The following RGS6 variants were observed in gnomAD, a reference collection of about 807,000 sequenced individuals.
RGS6 encodes regulator of G protein signaling 6.
In RGS6, 30 loss-of-function variants were observed where a neutral mutation model predicts 78.5. The observed-to-expected ratio is 0.38, with a 90% CI of 0.29 to 0.52. The LOEUF is 0.52. RGS6 is among the 20% of genes least tolerant of loss of function. RGS6 has a pLI of 0.85. For synonymous variants in RGS6, 206 were observed against 206.0 expected, an observed-to-expected ratio of 1.00 and a Z score of 0.00; for missense variants, 495 against 609.7, an observed-to-expected ratio of 0.81 and a Z score of 1.98.
chr14:72,337,490 C>T (rs1349858096), intron 2 of RGS6, among the ~76,000 whole-genome samples: 2 of 151,812 alleles, frequency 1.3e-5, no homozygotes, highest in African/African-American at 4.9e-5. Context: ...TACAACCTTG[C>T]CCTCTCTCAT....
chr14:72,614,149 A>G, the RGS6 span, among the ~76,000 whole-genome samples: 1 of 152,264 alleles, frequency 6.6e-6, no homozygotes, highest in Non-Finnish European at 1.5e-5. Flanking sequence ...GCAGAGAATC[A>G]TAAGCAGACT....
chr14:72,466,330 C>G (rs928727365), intron 7 of RGS6, among the ~76,000 whole-genome samples: 5 of 152,206 alleles, frequency 3.3e-5, no homozygotes, highest in African/African-American at 4.8e-5. Flanking sequence ...TTGGCAGTTT[C>G]TTATAAAGTT....
At chr14:72,234,144 A>C (rs1214990126) in intron 2 of RGS6, among the ~76,000 whole-genome samples, 2 of 151,980 alleles carry the variant, frequency 1.3e-5, no homozygotes, top group East Asian at 3.9e-4. Flanking sequence ...CTTTGCGTAC[A>C]CTGCCTTTAA....
the RGS6 span, among the ~76,000 whole-genome samples, chr14:71,913,101 A>G: frequency 1.3e-5 from 2 of 152,152 alleles, no homozygotes; most frequent in Non-Finnish European, 2.9e-5. Flanking sequence ...TGCTGGGATT[A>G]CAGGCGTGAG....
At chr14:72,559,772 G>A (rs1412401039) in intron 17 of RGS6, among the ~76,000 whole-genome samples, 4 of 152,210 alleles carry the variant, frequency 2.6e-5, no homozygotes, top group African/African-American at 9.6e-5. Flanking sequence ...GGTCCTTGGA[G>A]TCAGAGCGGT....
chr14:72,594,860 G>T, the RGS6 span: 1 of 152,016 alleles, frequency 6.6e-6, no homozygotes, highest in African/African-American at 2.4e-5. Flanking sequence ...ACCATCACAG[G>T]GTGACTTGTG....
chr14:72,582,043 G>C, the RGS6 span, among the ~76,000 whole-genome samples: 1 of 152,026 alleles, frequency 6.6e-6, no homozygotes, highest in South Asian at 2.1e-4. Context: ...GCTTTATATC[G>C]ACCTACTTTC....
At chr14:72,005,145 A>G (rs2332707) in intron 2 of RGS6, among the ~76,000 whole-genome samples, 98,956 of 151,980 alleles carry the variant, frequency 0.65, 33,085 homozygotes, top group Non-Finnish European at 0.74. Context: ...GTACATACCT[A>G]TGTACTTCTA....
rs145911258 is a variant in RGS6 at position 72,424,707 on chromosome 14, G to A, written c.185-29821G>A. On this transcript the variant is annotated intron_variant, in intron 3 of 17. Coordinates refer to ENST00000553525, the MANE Select transcript of RGS6 (RefSeq NM_001204424.2). ...TGTGATTTTAATCCTTTGCATTCAC[G>A]GATATTTGCATTAGTATTTTCTGGA... is the stretch of plus-strand genomic sequence containing the variant. 8.3e-3 allele frequency among the ~76,000 whole-genome samples: 1,263 copies of A among 152,192 alleles called. 10 individuals carry two copies. The highest frequency in any genetic ancestry group is 0.037 in the Middle Eastern group (11 of 294).
intron 15 of RGS6, among the ~76,000 whole-genome samples, chr14:72,520,696 T>C (rs923952826): frequency 2.6e-5 from 4 of 152,230 alleles, no homozygotes; most frequent in African/African-American, 9.6e-5. Context: ...AAATGAGTGG[T>C]TTGCTATTAT....
At chr14:72,322,348 GA>G (rs1472890185) in intron 2 of RGS6, among the ~76,000 whole-genome samples, 1 of 152,066 alleles carries the variant, frequency 6.6e-6, no homozygotes, top group African/African-American at 2.4e-5. Flanking sequence ...TACCAGGCAT[GA>G]CCCCAGATGG....
rs55943058 is a variant in RGS6, at chr14:72,363,999, T to TAAAAAAAAAAAAAAAAAAAAAAAAA, written c.184+11808_184+11832dup. Among the ~76,000 whole-genome samples, 2 of 46,756 alleles carry TAAAAAAAAAAAAAAAAAAAAAAAAA rather than the reference T, an allele frequency of 4.3e-5. 1 individual carries two copies. The highest frequency in any genetic ancestry group is 1.3e-4 in the African/African-American group (2 of 15,174). The allele number at this position is 46,756 out of a possible 152,430, so 30.7% of individuals were successfully genotyped here. On this transcript the variant is annotated intron_variant, in intron 3 of 17. Transcript: ENST00000553525. ...ACCATCACTTGTCAGTGGACAAGGCTAAAAAAAAAAAAAAAAAAAAAAAAA... is the reference window on the plus strand; with the variant it reads ...ACCATCACTTGTCAGTGGACAAGGCTAAAAAAAAAAAAAAAAAAAAAAAAAAAAAAAAAAAAAAAAAAAAAAAAAA...
chr14:72,325,760 C>T (rs760096360), intron 2 of RGS6, among the ~76,000 whole-genome samples: 1 of 151,830 alleles, frequency 6.6e-6, no homozygotes, highest in Non-Finnish European at 1.5e-5. Flanking sequence ...AAGAAAGAAA[C>T]ATGATGTAAA....
At chr14:71,947,994 C>T (rs1008168957) in intron 1 of RGS6, among the ~76,000 whole-genome samples, 1 of 152,104 alleles carries the variant, frequency 6.6e-6, no homozygotes, top group African/African-American at 2.4e-5. Context: ...TACCAATAAC[C>T]CAACTGAACT....
At chr14:72,225,936 T>C (rs2048024677) in intron 2 of RGS6, among the ~76,000 whole-genome samples, 1 of 152,246 alleles carries the variant, frequency 6.6e-6, no homozygotes, top group African/African-American at 2.4e-5. Flanking sequence ...CTAACATCTT[T>C]CTATGCTTAT....
intron 2 of RGS6, among the ~76,000 whole-genome samples, chr14:72,351,405 A>T (rs917084729): frequency 2.0e-5 from 3 of 152,096 alleles, no homozygotes. Flanking sequence ...CACCAGTAGG[A>T]TGTCAACAGT....
At chr14:71,929,800 T>C (rs1401809743), upstream of RGS6, among the ~76,000 whole-genome samples, 1 of 152,214 alleles carries the variant, frequency 6.6e-6, no homozygotes, top group African/African-American at 2.4e-5. Flanking sequence ...TCTCTGTTTC[T>C]ATCAGCATGG....
the RGS6 span, among the ~76,000 whole-genome samples, chr14:71,909,472 ACACCTG>A: frequency 6.6e-6 from 1 of 151,980 alleles, no homozygotes; most frequent in Non-Finnish European, 1.5e-5. Flanking sequence ...AGAAACACAT[ACACCTG>A]CACAGAGAGA....
intron 2 of RGS6, among the ~76,000 whole-genome samples, chr14:72,315,368 T>G (rs2069847409): frequency 6.6e-6 from 1 of 152,186 alleles, no homozygotes; most frequent in Admixed American, 6.5e-5. Context: ...CAAAACTTTT[T>G]TGTTGTGTTT....
Sources: gnomAD v4.1 joint callset for allele counts (sites outside exome capture counted in the v4.1 genomes callset) on GRCh38, gnomAD v4.1.1 for gene constraint, MANE v1.5 for transcripts, NCBI Gene and HGNC (gene_info 2026-07-23, HGNC 2026-07-21) for gene names.